Variants in HIP1 observed in about 807,000 individuals in gnomAD.
HIP1 encodes huntingtin-interacting protein 1.
In HIP1, 65 loss-of-function variants were observed where a neutral mutation model predicts 147.6. The ratio of observed to expected loss-of-function variants is 0.44; its 90% CI spans 0.36 to 0.54. HIP1 has a LOEUF of 0.54. Among genes scored for constraint, HIP1 ranks in the 20% least tolerant of loss-of-function variants. The probability of loss-of-function intolerance (pLI) is 0.00; values close to 1 mark genes in which losing one functional copy is unlikely to be tolerated. For synonymous variants in HIP1, 479 were observed against 504.0 expected (o/e 0.95, Z 0.67); for missense variants, 1,061 against 1,299.6 (o/e 0.82, Z 2.82).
rs1056814925 is a variant in HIP1 at position 75,695,079 on chromosome 7, A to G, written c.120+43722T>C. On this transcript the variant is annotated intron_variant, in intron 1 of 30. Coordinates refer to ENST00000336926, the MANE Select transcript of HIP1 (RefSeq NM_005338.7). ...CACTTATTTTAGTGCTTTTGTTCCT[A>G]TCATTTCTTGATTCTCCTTATACAT... Among the ~76,000 whole-genome samples, 3 of 152,116 alleles carry G rather than the reference A, an allele frequency of 2.0e-5. No homozygotes were observed. The South Asian group carries it at 6.2e-4, about 32-fold the overall frequency.
In HIP1 at chr7:75,547,816, G is replaced by A. The variant is rs1794629268; in HGVS notation, c.2407-3C>T. The stretch of plus-strand genomic sequence containing the variant: ...GCTCGGGATTTGCTGAGCATCTCCT[G>A]TGAAAAAGAAGCATGGTTTCTAAAT... On this transcript the variant is annotated splice_region_variant and splice_polypyrimidine_tract_variant and intron_variant, in intron 23 of 30. Coordinates refer to ENST00000336926, the MANE Select transcript of HIP1 (RefSeq NM_005338.7). 6.2e-7 allele frequency: 1 copy of A among 1,613,250 alleles called. No homozygotes were observed. The highest frequency in any genetic ancestry group is 8.5e-7 in the Non-Finnish European group (1 of 1,179,318).
At chr7:75,700,355 G>A (rs2117323142) in intron 1 of HIP1, among the ~76,000 whole-genome samples, 1 of 152,258 alleles carries the variant, frequency 6.6e-6, no homozygotes, top group South Asian at 2.1e-4. Context: ...TGGCCCTGTA[G>A]GCACTTGGGA....
At chr7:75,650,710 G>A (rs903436210) in intron 1 of HIP1, among the ~76,000 whole-genome samples, 10 of 152,052 alleles carry the variant, frequency 6.6e-5, no homozygotes, top group African/African-American at 1.2e-4. Flanking sequence ...GATTACAGGC[G>A]TGAGCCACCA....
chr7:75,583,394 C>T (rs1045869147), intron 5 of HIP1, among the ~76,000 whole-genome samples: 3 of 152,232 alleles, frequency 2.0e-5, no homozygotes, highest in African/African-American at 2.4e-5. Flanking sequence ...CCTGAACGTC[C>T]GTCTCAGTCA....
intron 7 of HIP1, among the ~76,000 whole-genome samples, chr7:75,580,688 C>T (rs1189514917): frequency 3.9e-5 from 6 of 151,988 alleles, no homozygotes; most frequent in Admixed American, 6.6e-5. Context: ...TGCAGTGAGC[C>T]GTAACATGCC....
intron 18 of HIP1, 39 bp downstream of exon 18, chr7:75,555,987 A>C (rs1794988286): frequency 1.9e-6 from 3 of 1,609,172 alleles, no homozygotes; most frequent in Non-Finnish European, 2.5e-6. Flanking sequence ...CTCGGTGGGA[A>C]TTCACAGGTG....
rs140984634 is a variant in HIP1 at position 75,558,172 on chromosome 7, G to T, written c.1459C>A (p.Arg487=). 1.2e-3 allele frequency: 1,976 copies of T among 1,612,558 alleles called. 20 individuals are homozygous for T. The African/African-American group carries it at 0.022, about 18-fold the overall frequency. ...ACAGGGGCTGAGGGTCTTACCTTCC[G>T]CAGCAGGTCAGCGTGGTTCTGAACC... ...ELVQNHADLL[R]KNAEVTKQVS... is the part of the protein sequence containing the mutation. Residue 487 remains arginine, a synonymous_variant, in exon 15 of 31, where the codon CGG becomes AGG. Transcript: ENST00000336926.
At chr7:75,633,676 G>A (rs587612316) in intron 1 of HIP1, among the ~76,000 whole-genome samples, 1 of 152,244 alleles carries the variant, frequency 6.6e-6, no homozygotes, top group African/African-American at 2.4e-5. Flanking sequence ...TGTTTGCTGG[G>A]CAGGTCACCC....
intron 1 of HIP1, among the ~76,000 whole-genome samples, chr7:75,719,187 T>A (rs4728289): frequency 2.0e-5 from 3 of 151,646 alleles, no homozygotes; most frequent in South Asian, 2.1e-4. Flanking sequence ...AGAGAAAGAA[T>A]CTTAGATGTT....
chr7:75,567,963 C>T (rs1189198507), intron 9 of HIP1, among the ~76,000 whole-genome samples: 5 of 152,004 alleles, frequency 3.3e-5, no homozygotes, highest in South Asian at 4.2e-4. Flanking sequence ...TGCATACCAC[C>T]GTGCCCAGCT....
At chr7:75,622,923 T>C (rs1797901464) in intron 1 of HIP1, among the ~76,000 whole-genome samples, 1 of 151,100 alleles carries the variant, frequency 6.6e-6, no homozygotes, top group African/African-American at 2.4e-5. Context: ...ATTGGCTGGG[T>C]GTGGTGGCTC....
intron 13 of HIP1, among the ~76,000 whole-genome samples, chr7:75,561,105 A>G (rs1443345411): frequency 6.6e-6 from 1 of 151,918 alleles, no homozygotes; most frequent in African/African-American, 2.4e-5. Flanking sequence ...GGTGCCTGCC[A>G]ACACACCCGG....
intron 1 of HIP1, among the ~76,000 whole-genome samples, chr7:75,689,336 T>A (rs1469496274): frequency 6.6e-6 from 1 of 152,034 alleles, no homozygotes; most frequent in Admixed American, 6.6e-5. Context: ...TGAAATGTCG[T>A]CTCTACTAAA....
chr7:75,597,397 T>C (rs1347084429), intron 2 of HIP1, among the ~76,000 whole-genome samples: 2 of 151,988 alleles, frequency 1.3e-5, no homozygotes, highest in African/African-American at 4.8e-5. Flanking sequence ...AGAGCCCAGG[T>C]GAGGAGAAGC....
intron 1 of HIP1, among the ~76,000 whole-genome samples, chr7:75,616,541 G>A (rs989099963): frequency 2.0e-5 from 3 of 151,574 alleles, no homozygotes; most frequent in Non-Finnish European, 4.4e-5. Context: ...CCAAAGTGCT[G>A]GAATTACCGG....
chr7:75,727,006 T>C (rs1374976251), intron 1 of HIP1, among the ~76,000 whole-genome samples: 1 of 152,064 alleles, frequency 6.6e-6, no homozygotes, highest in Non-Finnish European at 1.5e-5. Flanking sequence ...ATTTGCATTT[T>C]CCTGATTGCT....
intron 1 of HIP1, among the ~76,000 whole-genome samples, chr7:75,720,766 C>T (rs369052694): frequency 6.6e-6 from 1 of 151,864 alleles, no homozygotes; most frequent in African/African-American, 2.4e-5. Context: ...CAGCCGGGTG[C>T]GGTGGCTCAC....
chr7:75,692,230 A>C (rs1554518223), intron 1 of HIP1, among the ~76,000 whole-genome samples: 1 of 151,862 alleles, frequency 6.6e-6, no homozygotes, highest in Non-Finnish European at 1.5e-5. Context: ...ATTTTCAATT[A>C]ATATATCTGC....
intron 1 of HIP1, chr7:75,639,311 CG>C (rs1476737375): frequency 1.3e-4 from 2 of 15,184 alleles, no homozygotes; most frequent in African/African-American, 5.4e-4. Flanking sequence ...CAGCGCGCGC[CG>C]GGGGCGGGGG....
Sources: gnomAD v4.1 joint callset for allele counts (sites outside exome capture counted in the v4.1 genomes callset) on GRCh38, gnomAD v4.1.1 for gene constraint, MANE v1.5 for transcripts, NCBI Gene and HGNC (gene_info 2026-07-23, HGNC 2026-07-21) for gene names.